The following MAX variants were observed in gnomAD, a reference collection of about 807,000 sequenced individuals.
The protein encoded by MAX is protein max.
MAX carries 3 observed loss-of-function variants against 22.3 expected under a neutral mutation model. That is an observed-to-expected ratio of 0.13 (90% CI 0.06 to 0.35). The LOEUF (loss-of-function observed/expected upper bound fraction) is 0.35, where lower values mean the gene tolerates loss of function less well. Ranked by LOEUF, MAX falls within the 10% of genes least tolerant of loss-of-function variation. The pLI, the probability that MAX is intolerant of heterozygous loss-of-function variation, is 1.00. For synonymous variants in MAX, 72 were observed against 77.7 expected, an observed-to-expected ratio of 0.93 and a Z score of 0.39; for missense variants, 119 against 209.4, an observed-to-expected ratio of 0.57 and a Z score of 2.66.
In MAX at chr14:65,012,052, C is replaced by T. The variant is rs1354996673; in HGVS notation, c.172-5768G>A. The T allele has an allele frequency of 7.6e-6, 3 of 392,646 alleles. No homozygotes were observed. The highest frequency in any genetic ancestry group is 1.4e-5 in the Non-Finnish European group (3 of 207,978). 24.3% of individuals were successfully genotyped at this position (392,646 alleles called of 1,614,324 possible). ...TGCTCATTGCGGCTTTTCCGTTAGC[C>T]CAAAGTCACTGCCTTTAGGAGACAA... On this transcript the variant is annotated intron_variant, in intron 3 of 3. Coordinates refer to the MAX transcript ENST00000341653. This position sits in a 1 kb window ranked among gnomAD's most constrained non-coding sequence, Gnocchi z 5.0.
In MAX at chr14:65,029,667, T is replaced by C. The variant is rs1035831088; in HGVS notation, c.172-23383A>G. On this transcript the variant is annotated intron_variant, in intron 3 of 3. Transcript: ENST00000341653. The surrounding 1 kb of genome is among the most constrained non-coding windows in gnomAD (Gnocchi z 4.7). ...TTTGCAGAAGTTTGGTGAGAAAGCA[T>C]GTGTTGCTCAAGAAAGGACAAGTTC... is the stretch of plus-strand genomic sequence containing the variant. 6.6e-6 allele frequency among the ~76,000 whole-genome samples: 1 copy of C among 152,112 alleles called. No individual in the cohort carries two copies. Among genetic ancestry groups the C allele is most frequent in the African/African-American group, 2.4e-5 (1 of 41,414 alleles).
At chr14:65,039,080 T>G (rs1228054834) in intron 3 of MAX, among the ~76,000 whole-genome samples, 1 of 152,234 alleles carries the variant, frequency 6.6e-6, no homozygotes, top group Non-Finnish European at 1.5e-5. Flanking sequence ...AAATGTCTGG[T>G]ACTCTACAGC....
chr14:65,036,607 G>A lies in MAX; in HGVS notation c.172-30323C>T, dbSNP rs76781239. Among the ~76,000 whole-genome samples, 215 of 152,346 alleles carry A rather than the reference G, an allele frequency of 1.4e-3. 6 individuals carry two copies. The East Asian group carries it at 0.026, about 19-fold the overall frequency. On this transcript the variant is annotated intron_variant, in intron 3 of 3. Coordinates refer to the MAX transcript ENST00000341653. ...CCACTGTGCTGTACTACCTGGCAGT[G>A]CCATTGTGATTCTTAATTCTCTGTA...
chr14:65,074,958 G>A (rs1028113298), downstream of MAX, among the ~76,000 whole-genome samples: 15 of 152,208 alleles, frequency 9.9e-5, no homozygotes, highest in African/African-American at 3.6e-4. Flanking sequence ...CTCAGGCTGA[G>A]CTGAGAAAGG....
At chr14:65,102,052 C>T (rs766171636) in intron 1 of MAX, among the ~76,000 whole-genome samples, 12 of 152,198 alleles carry the variant, frequency 7.9e-5, no homozygotes, top group African/African-American at 9.6e-5. Context: ...GGCCGCAGCA[C>T]CCTCCCGCAA....
chr14:65,052,192 A>G (rs887573840), intron 3 of MAX, among the ~76,000 whole-genome samples: 7 of 152,194 alleles, frequency 4.6e-5, no homozygotes, highest in Admixed American at 2.0e-4. Context: ...GAAATACTAT[A>G]TGGCTATTCA....
At chr14:65,061,322 G>C (rs771954819) in intron 3 of MAX, 1 of 1,613,364 alleles carries the variant, frequency 6.2e-7, no homozygotes, top group South Asian at 1.1e-5. Context: ...GAGGACCTGG[G>C]TCCCGGCAGC....
intron 3 of MAX, among the ~76,000 whole-genome samples, chr14:65,036,429 G>A (rs111311778): frequency 1.3e-5 from 2 of 151,510 alleles, no homozygotes; most frequent in African/African-American, 2.4e-5. Flanking sequence ...TAGAGACGGG[G>A]TTTTCCCATG....
chr14:65,022,134 T>C, intron 3 of MAX: 1 of 453,326 alleles, frequency 2.2e-6, no homozygotes, highest in Non-Finnish European at 4.4e-6. Context: ...GGAGATTTCC[T>C]CTTCACTATA....
In MAX at chr14:65,012,730, G is replaced by C. The variant is rs912735608; in HGVS notation, c.172-6446C>G. Among the ~76,000 whole-genome samples the C allele has an allele frequency of 5.7e-4, 87 of 152,202 alleles. No homozygotes were observed. Among genetic ancestry groups the C allele is most frequent in the African/African-American group, 2.1e-3 (86 of 41,448 alleles). The stretch of plus-strand genomic sequence containing the variant: ...CCCTTAACCCTTTGCCCTATAAGCT[G>C]ATCTAATTTCTCGCTCATTTATTGA... On this transcript the variant is annotated intron_variant, in intron 3 of 3. Transcript: ENST00000341653. This position sits in a 1 kb window ranked among gnomAD's most constrained non-coding sequence, Gnocchi z 5.0.
At chr14:65,102,529 T>C, upstream of MAX, 1 of 1,450,746 alleles carries the variant, frequency 6.9e-7, no homozygotes, top group Non-Finnish European at 9.1e-7. Flanking sequence ...CAGCACCGGA[T>C]CAACGGCGGC....
At chr14:65,055,389 C>T (rs1035421138) in intron 3 of MAX, among the ~76,000 whole-genome samples, 1 of 152,186 alleles carries the variant, frequency 6.6e-6, no homozygotes, top group African/African-American at 2.4e-5. Flanking sequence ...GTGCAGTTCC[C>T]TACTCTTACT....
At position 65,093,569 on chromosome 14, in the gene MAX, A is replaced by C; in HGVS notation, c.171+139T>G. On this transcript the variant is annotated intron_variant, in intron 3 of 4. Transcript: ENST00000358664. This position sits in a 1 kb window ranked among gnomAD's most constrained non-coding sequence, Gnocchi z 4.4. ...ACGTAAGGTGTGCAGTGATCCTCCA[A>C]ACAGTCAAAAATAAGGCAACCATGC... is the stretch of plus-strand genomic sequence containing the variant. The C allele has an allele frequency of 1.4e-6, 1 of 700,888 alleles. No individual in the cohort carries two copies. The highest frequency in any genetic ancestry group is 1.7e-5 in the African/African-American group (1 of 57,194). The allele number at this position is 700,888 out of a possible 1,614,324, so 43.4% of individuals were successfully genotyped here.
chr14:65,093,648 G>C lies in MAX; in HGVS notation c.171+60C>G. 1 of 893,274 alleles carries C rather than the reference G, an allele frequency of 1.1e-6. No homozygotes were observed. Among genetic ancestry groups the C allele is most frequent in the Admixed American group, 1.7e-5 (1 of 58,842 alleles). 55.3% of individuals were successfully genotyped at this position (893,274 alleles called of 1,614,324 possible). On this transcript the variant is annotated intron_variant, in intron 3 of 4. Coordinates refer to ENST00000358664, the MANE Select transcript of MAX (RefSeq NM_002382.5). The surrounding 1 kb of genome is among the most constrained non-coding windows in gnomAD (Gnocchi z 4.4). ...TCCCAATAGGTGAGTGCTCTGCTAA[G>C]CTCTGCAACAAGTTCCAAGCTAGTA...
At chr14:65,056,901 A>ATGGCTC (rs2062748884) in intron 3 of MAX, among the ~76,000 whole-genome samples, 1 of 152,220 alleles carries the variant, frequency 6.6e-6, no homozygotes, top group South Asian at 2.1e-4. Flanking sequence ...ATTCAAGGGC[A>ATGGCTC]TGGCTCTGGC....
intron 3 of MAX, among the ~76,000 whole-genome samples, chr14:65,025,259 C>T (rs1027372555): frequency 3.3e-5 from 5 of 152,104 alleles, no homozygotes; most frequent in Admixed American, 1.3e-4. Flanking sequence ...GTGTTGCGTT[C>T]GGCACGATTC....
chr14:65,066,711 G>A (rs373020790), intron 3 of MAX, among the ~76,000 whole-genome samples: 13 of 151,558 alleles, frequency 8.6e-5, no homozygotes, highest in Middle Eastern at 3.4e-3. Context: ...AAAATTAGCC[G>A]CGCATGGTGG....
At chr14:65,098,582 G>T (rs2063734583) in intron 2 of MAX, among the ~76,000 whole-genome samples, 1 of 152,066 alleles carries the variant, frequency 6.6e-6, no homozygotes, top group African/African-American at 2.4e-5. Flanking sequence ...TTCCCAAACA[G>T]AAATAAAGCA....
Position 65,011,237 on chromosome 14 carries a change from G to A in MAX, c.172-4953C>T, listed in dbSNP as rs58784215. On this transcript the variant is annotated intron_variant, in intron 3 of 3. Coordinates refer to the MAX transcript ENST00000341653. The surrounding 1 kb of genome is among the most constrained non-coding windows in gnomAD (Gnocchi z 4.0). ...GAGGTCAGGAGTTCAAGACCAGCCT[G>A]GGCAACATGGTGAAACCCCCGTCTC... 0.18 allele frequency among the ~76,000 whole-genome samples: 27,712 copies of A among 152,026 alleles called. 4,068 individuals are homozygous for A. Among genetic ancestry groups the A allele is most frequent in the African/African-American group, 0.39 (16,314 of 41,402 alleles).
Sources: gnomAD v4.1 joint callset for allele counts (sites outside exome capture counted in the v4.1 genomes callset) on GRCh38, gnomAD v4.1.1 for gene constraint, Gnocchi (gnomAD v3.1) non-coding constraint, MANE v1.5 for transcripts, NCBI Gene and HGNC (gene_info 2026-07-23, HGNC 2026-07-21) for gene names.